The following SDK2 variants were observed in gnomAD, a reference collection of about 807,000 sequenced individuals.
The protein encoded by SDK2 is sidekick cell adhesion molecule 2, also known as protein sidekick-2.
SDK2 carries 105 observed loss-of-function variants against 253.9 expected under a neutral mutation model. The ratio of observed to expected loss-of-function variants is 0.41; its 90% CI spans 0.35 to 0.49. The LOEUF is 0.49. Ranked by LOEUF, SDK2 falls within the 20% of genes least tolerant of loss-of-function variation. The pLI is 0.06. For synonymous variants in SDK2, 1,249 were observed against 1,234.9 expected, an observed-to-expected ratio of 1.01 and a Z score of -0.24; for missense variants, 2,608 against 3,003.0, an observed-to-expected ratio of 0.87 and a Z score of 3.07.
intron 27 of SDK2, among the ~76,000 whole-genome samples, chr17:73,392,186 CA>C (rs937945621): frequency 1.3e-4 from 14 of 110,722 alleles, no homozygotes; most frequent in African/African-American, 4.7e-4. Context: ...GAGAATGGGG[CA>C]GGGGGTGGGG....
intron 1 of SDK2, among the ~76,000 whole-genome samples, chr17:73,508,860 T>A (rs1567813546): frequency 6.6e-6 from 1 of 152,184 alleles, no homozygotes; most frequent in East Asian, 1.9e-4. Context: ...TGCCCAGAGC[T>A]TGTGCCAATG....
Position 73,527,506 on chromosome 17 carries a change from T to C in SDK2, c.65-19909A>G, listed in dbSNP as rs903947022. Among the ~76,000 whole-genome samples, 4 of 152,006 alleles carry C rather than the reference T, an allele frequency of 2.6e-5. No homozygotes were observed. The East Asian group carries it at 7.7e-4, about 29-fold the overall frequency. ...CAGAACTGGAGGGGGACTCCTATGG[T>C]TGGAGTCCTAATGGCAAGAAGAGGA... On this transcript the variant is annotated intron_variant, in intron 1 of 44. Transcript: ENST00000392650.
intron 2 of SDK2, among the ~76,000 whole-genome samples, chr17:73,502,434 A>G (rs571481845): frequency 1.4e-3 from 113 of 79,588 alleles, no homozygotes; most frequent in Non-Finnish European, 2.4e-3. Context: ...TGAACCTGGA[A>G]CATTTTTTGA....
At chr17:73,502,895 C>G (rs529748404) in intron 2 of SDK2, among the ~76,000 whole-genome samples, 17 of 152,332 alleles carry the variant, frequency 1.1e-4, no homozygotes, top group African/African-American at 4.1e-4. Context: ...GTGGATATCA[C>G]CTTGACCAGT....
At chr17:73,415,491 A>G (rs2063172765) in intron 17 of SDK2, among the ~76,000 whole-genome samples, 1 of 151,564 alleles carries the variant, frequency 6.6e-6, no homozygotes, top group Non-Finnish European at 1.5e-5. Context: ...GACCACAGGC[A>G]TGTACCACCA....
chr17:73,370,107 A>C (rs961441411), intron 36 of SDK2, among the ~76,000 whole-genome samples: 1 of 152,124 alleles, frequency 6.6e-6, no homozygotes, highest in African/African-American at 2.4e-5. Context: ...CCGGCTTTTC[A>C]ATTTCTCATT....
chr17:73,373,484 G>A (rs1039417173), intron 36 of SDK2, among the ~76,000 whole-genome samples: 4 of 152,024 alleles, frequency 2.6e-5, no homozygotes, highest in South Asian at 2.1e-4. Context: ...CACCAACAGC[G>A]TGCAAAGGTT....
intron 1 of SDK2, among the ~76,000 whole-genome samples, chr17:73,512,775 G>A (rs1340479339): frequency 1.3e-5 from 2 of 152,072 alleles, no homozygotes; most frequent in Non-Finnish European, 2.9e-5. Context: ...GAAATAGTCC[G>A]GGAGTCTAGA....
At chr17:73,453,362 G>A (rs778481657) in intron 4 of SDK2, among the ~76,000 whole-genome samples, 32 of 148,344 alleles carry the variant, frequency 2.2e-4, no homozygotes, top group Non-Finnish European at 4.6e-4. Context: ...CTAAGCCACT[G>A]AGCTGGGGTT....
At chr17:73,460,530 TAAA>T (rs1328811607) in intron 3 of SDK2, among the ~76,000 whole-genome samples, 1 of 152,236 alleles carries the variant, frequency 6.6e-6, no homozygotes, top group Admixed American at 6.5e-5. Flanking sequence ...ATAAAAGTGT[TAAA>T]AAATTGTATC....
At chr17:73,378,622 G>T (rs1267695778) in intron 36 of SDK2, among the ~76,000 whole-genome samples, 1 of 151,988 alleles carries the variant, frequency 6.6e-6, no homozygotes, top group Non-Finnish European at 1.5e-5. Context: ...GTTTCACCAT[G>T]TTGGCCAGGC....
At chr17:73,423,181 G>A (rs912469560) in intron 14 of SDK2, among the ~76,000 whole-genome samples, 2 of 152,214 alleles carry the variant, frequency 1.3e-5, no homozygotes, top group African/African-American at 4.8e-5. Context: ...AGCACCTTTT[G>A]TGCGTCATCT....
chr17:73,537,859 A>G (rs1345340083), intron 1 of SDK2, among the ~76,000 whole-genome samples: 1 of 152,234 alleles, frequency 6.6e-6, no homozygotes, highest in Non-Finnish European at 1.5e-5. Context: ...GTGAAAATAA[A>G]AAATGACACC....
At chr17:73,388,910 C>T (rs1391403824) in intron 29 of SDK2, among the ~76,000 whole-genome samples, 1 of 88,350 alleles carries the variant, frequency 1.1e-5, no homozygotes, top group Non-Finnish European at 2.3e-5. Context: ...CCCTCCCTCC[C>T]TCCCTTTTTC....
At chr17:73,415,229 G>C (rs1440651780) in intron 17 of SDK2, among the ~76,000 whole-genome samples, 4 of 152,058 alleles carry the variant, frequency 2.6e-5, no homozygotes, top group African/African-American at 9.7e-5. Context: ...GGCCTGGTGA[G>C]AACAGGCCAC....
chr17:73,416,620 CG>C (rs769574438), intron 16 of SDK2, among the ~76,000 whole-genome samples: 11 of 150,528 alleles, frequency 7.3e-5, no homozygotes, highest in Non-Finnish European at 1.6e-4. Context: ...GATGGAGTCT[CG>C]CTCTTTCACC....
At chr17:73,641,551 T>C (rs981925487) in intron 1 of SDK2, among the ~76,000 whole-genome samples, 2 of 152,112 alleles carry the variant, frequency 1.3e-5, no homozygotes, top group African/African-American at 4.8e-5. Context: ...GCTTTCAGTA[T>C]ACCCAGGTGA....
chr17:73,614,566 T>A (rs1377725788), intron 1 of SDK2, among the ~76,000 whole-genome samples: 1 of 94,328 alleles, frequency 1.1e-5, no homozygotes, highest in African/African-American at 4.5e-5. Context: ...GGACAAGGAT[T>A]GAAAAGGGGG....
Position 73,361,011 on chromosome 17 carries a change from G to A in SDK2, c.5467+673C>T, listed in dbSNP as rs1378032605. Among the ~76,000 whole-genome samples, 2 of 151,298 alleles carry A rather than the reference G, an allele frequency of 1.3e-5. No individual in the cohort carries two copies. The highest frequency in any genetic ancestry group is 2.9e-5 in the Non-Finnish European group (2 of 67,802). On this transcript the variant is annotated intron_variant, in intron 39 of 44. Transcript: ENST00000392650. The surrounding 1 kb of genome is among the most constrained non-coding windows in gnomAD (Gnocchi z 4.1). ...GATTAAGGAAGACTTCCTGGGGTGAGGGGCGGGCAGTTACACACAAAAGGG... is the reference window on the plus strand; with the variant it reads ...GATTAAGGAAGACTTCCTGGGGTGAAGGGCGGGCAGTTACACACAAAAGGG...
Sources: allele counts gnomAD v4.1 joint callset (sites outside exome capture counted in the v4.1 genomes callset), GRCh38; gene constraint gnomAD v4.1.1; non-coding constraint Gnocchi (gnomAD v3.1); transcripts MANE v1.5; gene names NCBI Gene and HGNC (gene_info 2026-07-23, HGNC 2026-07-21).